Variants in F10 observed in about 807,000 individuals in gnomAD.
F10 encodes Stuart-Prower factor.
A neutral mutation model predicts 37.1 loss-of-function variants in F10; 29 were observed. The ratio of observed to expected loss-of-function variants is 0.78; its 90% confidence interval spans 0.58 to 1.07. The LOEUF (loss-of-function observed/expected upper bound fraction) is 1.07, where lower values mean the gene tolerates loss of function less well. Ranked by LOEUF, F10 falls within the 50% of genes least tolerant of loss-of-function variation. The pLI is 0.00. For synonymous variants in F10, 262 were observed against 268.6 expected (o/e 0.98, Z 0.24); for missense variants, 539 against 667.9 (o/e 0.81, Z 2.13).
chr13:113,146,745 G>A lies in F10; in HGVS notation c.748-634G>A, dbSNP rs191175746. ...ATGTGCCCAGCCACTATCACAGGAC[G>A]GGAAACTCCCCAGAGAAAAGAAAAC... On this transcript the variant is annotated intron_variant, in intron 6 of 7. Coordinates refer to ENST00000375559, the MANE Select transcript of F10 (RefSeq NM_000504.4). The surrounding 1 kb of genome is among the most constrained non-coding windows in gnomAD (Gnocchi z 4.5). Among the ~76,000 whole-genome samples, 110 of 152,274 alleles carry A rather than the reference G, an allele frequency of 7.2e-4. No homozygotes were observed. Among genetic ancestry groups the A allele is most frequent in the African/African-American group, 1.8e-3 (75 of 41,568 alleles).
intron 1 of F10, chr13:113,128,425 C>T (rs913116725): frequency 1.3e-5 from 2 of 152,074 alleles, no homozygotes; most frequent in African/African-American, 4.8e-5. Flanking sequence ...TATCTAAAGA[C>T]CTGGAATAAA....
chr13:113,129,639 T>C, intron 2 of F10, 27 bp downstream of exon 2: 1 of 1,613,586 alleles, frequency 6.2e-7, no homozygotes, highest in South Asian at 1.1e-5. Flanking sequence ...GCCTGGCTGT[T>C]GGTAAGGAGC....
At chr13:113,147,064 A>C (rs376994537) in intron 6 of F10, among the ~76,000 whole-genome samples, 65 of 152,366 alleles carry the variant, frequency 4.3e-4, no homozygotes, top group African/African-American at 1.4e-3. Context: ...AAATCCTGCC[A>C]CAGAGACGGG....
chr13:113,141,640 G>A lies in F10; in HGVS notation c.502+590G>A, dbSNP rs991018063. Among the ~76,000 whole-genome samples, 9 of 152,176 alleles carry A rather than the reference G, an allele frequency of 5.9e-5. No homozygotes were observed. Among genetic ancestry groups the A allele is most frequent in the South Asian group, 4.1e-4 (2 of 4,826 alleles). ...GCAGGGGACTGGGCAGGGTGGGGAC[G>A]AGCCTCCCTGTCCTGACCCCGTGGG... On this transcript the variant is annotated intron_variant, in intron 5 of 7. Transcript: ENST00000375559. This position sits in a 1 kb window ranked among gnomAD's most constrained non-coding sequence, Gnocchi z 5.4.
At chr13:113,148,345 A>AAAATATATATATATAT (rs1300922846) in intron 7 of F10, among the ~76,000 whole-genome samples, 4 of 95,432 alleles carry the variant, frequency 4.2e-5, no homozygotes, top group East Asian at 4.3e-4. Context: ...AAAAAAAAAA[A>AAAATATATATATATAT]ATATATATAT....
chr13:113,138,318 C>G (rs949542965), intron 2 of F10, 139 bp from the exon 3 acceptor site: 15 of 537,244 alleles, frequency 2.8e-5, no homozygotes, highest in Non-Finnish European at 3.7e-5. Flanking sequence ...TTGAATAGTT[C>G]TAGAACAATT....
At chr13:113,123,571 G>A (rs2036341410) in intron 1 of F10, among the ~76,000 whole-genome samples, 1 of 152,182 alleles carries the variant, frequency 6.6e-6, no homozygotes, top group African/African-American at 2.4e-5. Flanking sequence ...GGACACGAGA[G>A]ACAGGGACCC....
At position 113,141,160 on chromosome 13, in the gene F10, G is replaced by T; in HGVS notation, c.502+110G>T. 1.3e-6 allele frequency: 2 copies of T among 1,490,546 alleles called. No homozygotes were observed. The highest frequency in any genetic ancestry group is 2.4e-5 in the South Asian group (2 of 84,854). 92.3% of individuals were successfully genotyped at this position (1,490,546 alleles called of 1,614,324 possible). On this transcript the variant is annotated intron_variant, in intron 5 of 7. Transcript: ENST00000375559. The surrounding 1 kb of genome is among the most constrained non-coding windows in gnomAD (Gnocchi z 5.4). ...GGCATGTTCTGGGCGGGCCTGGCAG[G>T]TAACAGTGACACCAAGAGGACAGGA...
chr13:113,145,753 G>C (rs1349973873), intron 6 of F10, among the ~76,000 whole-genome samples: 1 of 152,140 alleles, frequency 6.6e-6, no homozygotes, highest in Non-Finnish European at 1.5e-5. Context: ...CAAGCAAAAG[G>C]GGTTTCCCCT....
chr13:113,139,265 T>C lies in F10; in HGVS notation c.257-92T>C. ...AAACCGGAAGACTCTTCCAGTTATC[T>C]GAACGGCAGGGCCAAGGTTAGCACA... On this transcript the variant is annotated intron_variant, in intron 3 of 7. Transcript: ENST00000375559. This position sits in a 1 kb window ranked among gnomAD's most constrained non-coding sequence, Gnocchi z 5.2. 1.0e-6 allele frequency: 1 copy of C among 999,718 alleles called. No homozygotes were observed. The highest frequency in any genetic ancestry group is 1.6e-6 in the Non-Finnish European group (1 of 640,924). The allele number at this position is 999,718 out of a possible 1,614,324, so 61.9% of individuals were successfully genotyped here.
At chr13:113,126,380 G>A (rs911896923) in intron 1 of F10, among the ~76,000 whole-genome samples, 1 of 152,208 alleles carries the variant, frequency 6.6e-6, no homozygotes, top group African/African-American at 2.4e-5. Context: ...GGGCTGCAAA[G>A]GAAAGGTGAC....
chr13:113,129,394 A>AC, intron 1 of F10, 58 bp from the exon 2 acceptor site: 1 of 1,607,852 alleles, frequency 6.2e-7, no homozygotes, highest in African/African-American at 1.3e-5. Context: ...AGCATAGGTG[A>AC]GGGGGAGCCT....
intron 7 of F10, 96 bp from the exon 8 acceptor site, chr13:113,148,820 A>C: frequency 2.0e-6 from 3 of 1,521,866 alleles, no homozygotes; most frequent in Non-Finnish European, 2.6e-6. Context: ...TGCCATTTTT[A>C]ATTTAAAAAA....
intron 5 of F10, among the ~76,000 whole-genome samples, chr13:113,142,929 T>C (rs1388792105): frequency 1.3e-5 from 2 of 149,548 alleles, no homozygotes; most frequent in East Asian, 3.9e-4. Flanking sequence ...AGAAACTCCA[T>C]CTCAAAAAAA....
intron 2 of F10, among the ~76,000 whole-genome samples, chr13:113,132,690 A>T (rs1467831187): frequency 6.6e-6 from 1 of 152,236 alleles, no homozygotes; most frequent in Non-Finnish European, 1.5e-5. Context: ...TAGATGTATG[A>T]TATGATACAA....
rs540266829 is a variant in F10, at chr13:113,141,279, T to C, written c.502+229T>C. On this transcript the variant is annotated intron_variant, in intron 5 of 7. Coordinates refer to ENST00000375559, the MANE Select transcript of F10 (RefSeq NM_000504.4). The surrounding 1 kb of genome is among the most constrained non-coding windows in gnomAD (Gnocchi z 5.4). Reference sequence around the variant, plus strand: ...ATTTCTGTAAGCCAGATCTGCTGTTTAACCTCAGCTTCCCCATCTGACAAA... The same window carrying C: ...ATTTCTGTAAGCCAGATCTGCTGTTCAACCTCAGCTTCCCCATCTGACAAA... Among the ~76,000 whole-genome samples the C allele has an allele frequency of 4.6e-5, 7 of 152,328 alleles. No individual in the cohort carries two copies. In the South Asian group the frequency reaches 1.4e-3, roughly 32 times the overall value.
At chr13:113,148,167 T>G (rs1292821265) in intron 7 of F10, among the ~76,000 whole-genome samples, 1 of 151,458 alleles carries the variant, frequency 6.6e-6, no homozygotes, top group Non-Finnish European at 1.5e-5. Flanking sequence ...CCATCTCTAC[T>G]AAAAAATACA....
At chr13:113,145,217 A>C (rs1207903253) in intron 6 of F10, among the ~76,000 whole-genome samples, 1 of 151,948 alleles carries the variant, frequency 6.6e-6, no homozygotes, top group Non-Finnish European at 1.5e-5. Context: ...TAGAGACAGG[A>C]ATTTCACCAT....
chr13:113,140,519 C>A (rs571834482), intron 4 of F10: 2 of 479,308 alleles, frequency 4.2e-6, no homozygotes, highest in African/African-American at 4.0e-5. Context: ...TGAGGCATAA[C>A]CCTGTTCAGG....
Sources: allele counts gnomAD v4.1 joint callset (sites outside exome capture counted in the v4.1 genomes callset), GRCh38; gene constraint gnomAD v4.1.1; non-coding constraint Gnocchi (gnomAD v3.1); transcripts MANE v1.5; gene names NCBI Gene and HGNC (gene_info 2026-07-23, HGNC 2026-07-21).